The following PPP2R2B variants were observed in gnomAD, a reference collection of about 807,000 sequenced individuals.
PPP2R2B encodes the protein serine/threonine-protein phosphatase 2A 55 kDa regulatory subunit B beta isoform.
A neutral mutation model predicts 46.0 loss-of-function variants in PPP2R2B; 5 were observed. The ratio of observed to expected loss-of-function variants is 0.11; its 90% CI spans 0.06 to 0.23. The LOEUF (loss-of-function observed/expected upper bound fraction) is 0.23, where lower values mean the gene tolerates loss of function less well. PPP2R2B is among the 10% of genes least tolerant of loss of function. The pLI is 1.00. For missense variants in PPP2R2B, 367 were observed against 575.0 expected, an observed-to-expected ratio of 0.64 and a Z score of 3.70; for synonymous variants, 215 against 206.7, an observed-to-expected ratio of 1.04 and a Z score of -0.34.
At chr5:146,724,162 G>A (rs1162507112) in intron 2 of PPP2R2B, among the ~76,000 whole-genome samples, 2 of 152,106 alleles carry the variant, frequency 1.3e-5, no homozygotes, top group African/African-American at 4.8e-5. Flanking sequence ...ATGTCCTTTA[G>A]AATGAAAACA....
At chr5:146,641,723 A>C (rs1277081820) in intron 6 of PPP2R2B, among the ~76,000 whole-genome samples, 1 of 152,116 alleles carries the variant, frequency 6.6e-6, no homozygotes, top group Admixed American at 6.5e-5. Context: ...ACAACTCTAA[A>C]GGGCGATCCA....
chr5:146,707,544 A>T (rs778527601), intron 2 of PPP2R2B: 1 of 723,048 alleles, frequency 1.4e-6, no homozygotes, highest in Non-Finnish European at 2.5e-6. Context: ...CAGCTGCAGA[A>T]GGCCCGGGTG....
At chr5:146,902,820 A>G (rs1193177565) in intron 1 of PPP2R2B, among the ~76,000 whole-genome samples, 1 of 118,336 alleles carries the variant, frequency 8.5e-6, no homozygotes, top group Non-Finnish European at 1.6e-5. Context: ...ACACATAACA[A>G]AGTTTTGCTA....
intron 2 of PPP2R2B, among the ~76,000 whole-genome samples, chr5:146,862,859 G>GA (rs370025208): frequency 0.25 from 26,549 of 106,486 alleles, 3,308 homozygotes; most frequent in African/African-American, 0.37. Flanking sequence ...CAAGTAATTG[G>GA]AAAAAAAAAA....
intron 2 of PPP2R2B, among the ~76,000 whole-genome samples, chr5:146,787,490 T>TTCCTTTCCTC (rs1755914327): frequency 6.6e-6 from 1 of 152,102 alleles, no homozygotes; most frequent in Non-Finnish European, 1.5e-5. Context: ...GAGCTCTTCC[T>TTCCTTTCCTC]TCCTTTCCTC....
chr5:146,948,805 C>T (rs1304511144), intron 1 of PPP2R2B, among the ~76,000 whole-genome samples: 1 of 152,016 alleles, frequency 6.6e-6, no homozygotes, highest in African/African-American at 2.4e-5. Flanking sequence ...TTAGTAGATA[C>T]ATTTGACAGG....
chr5:146,777,627 A>G (rs993807620), intron 2 of PPP2R2B, among the ~76,000 whole-genome samples: 49 of 152,304 alleles, frequency 3.2e-4, no homozygotes, highest in African/African-American at 1.0e-3. Flanking sequence ...TATGTTATAT[A>G]TATTTTACCA....
At chr5:146,724,315 G>GT (rs112692780) in intron 2 of PPP2R2B, among the ~76,000 whole-genome samples, 81 of 147,396 alleles carry the variant, frequency 5.5e-4, no homozygotes, top group African/African-American at 5.2e-4. Context: ...ACTGTCATAG[G>GT]TTTTTTTTTT....
chr5:146,584,962 C>T lies in PPP2R2B; in HGVS notation c.*4985G>A, dbSNP rs1241626691. The T allele has an allele frequency of 4.6e-5, 7 of 152,138 alleles. No individual in the cohort carries two copies. The highest frequency in any genetic ancestry group is 7.2e-5 in the African/African-American group (3 of 41,430). 9.4% of individuals were successfully genotyped at this position (152,138 alleles called of 1,614,324 possible). On this transcript the variant is annotated 3_prime_UTR_variant, in exon 10 of 10. Coordinates refer to ENST00000394411, the MANE Select transcript of PPP2R2B (RefSeq NM_181675.4). ...TAAAATTCTGCTTAGATGACACATT[C>T]TGAGAACCTTTTCTTATCACTCATT...
intron 1 of PPP2R2B, among the ~76,000 whole-genome samples, chr5:147,009,941 C>A (rs1754636836): frequency 6.6e-6 from 1 of 151,026 alleles, no homozygotes; most frequent in Admixed American, 6.6e-5. Flanking sequence ...ATTTTTTATA[C>A]TCACTATAGC....
chr5:147,051,753 C>CTTTTTTTT (rs60522229), intron 1 of PPP2R2B, among the ~76,000 whole-genome samples: 3 of 92,366 alleles, frequency 3.2e-5, no homozygotes, highest in African/African-American at 9.2e-5. Flanking sequence ...GTTTTGCTTC[C>CTTTTTTTT]TTTTTTTTTT....
At chr5:147,016,580 T>C (rs1452156711) in intron 1 of PPP2R2B, among the ~76,000 whole-genome samples, 1 of 9,212 alleles carries the variant, frequency 1.1e-4, no homozygotes, top group Non-Finnish European at 2.8e-4. Context: ...TACAGATACA[T>C]TGTGGAATCA....
chr5:146,862,773 T>G (rs938907860), intron 2 of PPP2R2B, among the ~76,000 whole-genome samples: 2 of 151,842 alleles, frequency 1.3e-5, no homozygotes, highest in Non-Finnish European at 2.9e-5. Flanking sequence ...ATTTTTTTTT[T>G]TTTTTGCCTT....
intron 1 of PPP2R2B, among the ~76,000 whole-genome samples, chr5:146,888,075 T>C (rs1304094614): frequency 6.6e-6 from 1 of 152,166 alleles, no homozygotes. Context: ...TGCCTCAGTG[T>C]ACACTCCTCA....
chr5:146,894,044 T>C (rs185550118), intron 1 of PPP2R2B, among the ~76,000 whole-genome samples: 2 of 152,282 alleles, frequency 1.3e-5, no homozygotes, highest in African/African-American at 4.8e-5. Flanking sequence ...AGACTCAGTC[T>C]CAAAACAACA....
intron 2 of PPP2R2B, among the ~76,000 whole-genome samples, chr5:146,739,780 G>A (rs1192677518): frequency 6.6e-6 from 1 of 152,030 alleles, no homozygotes; most frequent in Non-Finnish European, 1.5e-5. Flanking sequence ...CTTAAAACAA[G>A]GGCTCCTATG....
intron 3 of PPP2R2B, among the ~76,000 whole-genome samples, chr5:146,699,555 C>G (rs1779411269): frequency 6.6e-6 from 1 of 151,782 alleles, no homozygotes; most frequent in African/African-American, 2.4e-5. Flanking sequence ...CTATAAATAG[C>G]TAATGGAAAA....
In PPP2R2B at chr5:146,589,483, T is replaced by G. The variant is rs1770378639; in HGVS notation, c.*464A>C. ...GGCAGGAGATACTGACTAGTTCTGG[T>G]TTTTCACAAAACAAGAAGAATTTGT... On this transcript the variant is annotated 3_prime_UTR_variant, in exon 10 of 10. Transcript: ENST00000394411. 6.4e-6 allele frequency: 1 copy of G among 155,526 alleles called. No homozygotes were observed. The highest frequency in any genetic ancestry group is 1.4e-5 in the Non-Finnish European group (1 of 70,000). 9.6% of individuals were successfully genotyped at this position (155,526 alleles called of 1,614,324 possible).
chr5:146,616,153 T>A (rs1481930566), intron 7 of PPP2R2B, among the ~76,000 whole-genome samples: 1 of 152,138 alleles, frequency 6.6e-6, no homozygotes, highest in African/African-American at 2.4e-5. Flanking sequence ...TCTCTTCAAC[T>A]ATTTGTGCTA....
Sources: gnomAD v4.1 joint callset for allele counts (sites outside exome capture counted in the v4.1 genomes callset) on GRCh38, gnomAD v4.1.1 for gene constraint, MANE v1.5 for transcripts, NCBI Gene and HGNC (gene_info 2026-07-23, HGNC 2026-07-21) for gene names.